Variants in GAREM1 observed in about 807,000 individuals in gnomAD.
The protein encoded by GAREM1 is GRB2-associated and regulator of MAPK protein 1.
Under a neutral mutation model 71.3 loss-of-function variants are expected in GAREM1, and 26 were observed. That is an observed-to-expected ratio of 0.36 (90% CI 0.27 to 0.51). GAREM1 has a LOEUF of 0.51. Ranked by LOEUF, GAREM1 falls within the 20% of genes least tolerant of loss-of-function variation. The pLI, the probability that GAREM1 is intolerant of heterozygous loss-of-function variation, is 0.95. For synonymous variants in GAREM1, 440 were observed against 433.2 expected (o/e 1.02, Z -0.20); for missense variants, 1,026 against 1,103.1 (o/e 0.93, Z 0.99).
At chr18:32,375,112 T>G (rs1348446024) in intron 2 of GAREM1, among the ~76,000 whole-genome samples, 1 of 152,172 alleles carries the variant, frequency 6.6e-6, no homozygotes, top group African/African-American at 2.4e-5. Flanking sequence ...TAAATTATAG[T>G]TTACGAAATT....
At position 32,427,449 on chromosome 18, in the gene GAREM1, C is replaced by T. The variant is rs573530091; in HGVS notation, c.122-34414G>A. ...AGAGAGAACCAGGAATGTCTGCCTC[C>T]CTGAGTTTGACATGGAAATTGAGAG... On this transcript the variant is annotated intron_variant, in intron 1 of 5. Coordinates refer to ENST00000269209, the MANE Select transcript of GAREM1 (RefSeq NM_001242409.2). Among the ~76,000 whole-genome samples the T allele has an allele frequency of 3.9e-5, 6 of 152,204 alleles. No homozygotes were observed. The East Asian group carries it at 9.7e-4, about 25-fold the overall frequency.
At chr18:32,294,417 A>C (rs1173119376) in intron 3 of GAREM1, among the ~76,000 whole-genome samples, 2 of 152,246 alleles carry the variant, frequency 1.3e-5, no homozygotes, top group African/African-American at 4.8e-5. Context: ...ACAATTCTTT[A>C]GAACTGAAAT....
Position 32,268,668 on chromosome 18 carries a change from A to G in GAREM1, c.1834T>C (p.Phe612Leu), listed in dbSNP as rs1162649457. ...KTDSVDLKSPFGSPSAEAVSS... is the reference protein window; with the variant it reads ...KTDSVDLKSPLGSPSAEAVSS... ...ACAGCTTCAGCAGAAGGACTTCCAA[A>G]CGGGGATTTCAGGTCCACAGAATCA... The change falls in exon 6 of 6, where the codon TTT becomes CTT. Residue 612 changes from phenylalanine (F) to leucine (L), a missense_variant. Physicochemically the swap from Phe to Leu is conservative, Grantham distance 22 (BLOSUM62 0). Coordinates refer to ENST00000269209, the MANE Select transcript of GAREM1 (RefSeq NM_001242409.2). The G allele has an allele frequency of 1.9e-6, 3 of 1,614,178 alleles. No homozygotes were observed. The highest frequency in any genetic ancestry group is 2.5e-6 in the Non-Finnish European group (3 of 1,180,026).
At chr18:32,438,845 T>C (rs1169011389) in intron 1 of GAREM1, among the ~76,000 whole-genome samples, 1 of 152,062 alleles carries the variant, frequency 6.6e-6, no homozygotes, top group Non-Finnish European at 1.5e-5. Context: ...AGGTGACAAA[T>C]TTGAAGGCAC....
intron 1 of GAREM1, among the ~76,000 whole-genome samples, chr18:32,421,828 C>T (rs956112975): frequency 6.6e-6 from 1 of 152,086 alleles, no homozygotes; most frequent in Admixed American, 6.6e-5. Context: ...CAAATCCACA[C>T]AAAACCTTCC....
At chr18:32,378,499 GA>G (rs201544063) in intron 2 of GAREM1, among the ~76,000 whole-genome samples, 992 of 97,986 alleles carry the variant, frequency 0.01, 12 homozygotes, top group East Asian at 0.028. Context: ...GACTGTCTCC[GA>G]AAAAAAAAAA....
At chr18:32,384,482 T>C (rs1052394027) in intron 2 of GAREM1, among the ~76,000 whole-genome samples, 5 of 152,214 alleles carry the variant, frequency 3.3e-5, no homozygotes, top group African/African-American at 1.2e-4. Context: ...ATTACAATAA[T>C]TCCCAAACAC....
chr18:32,270,661 A>C (rs563358225), intron 4 of GAREM1, among the ~76,000 whole-genome samples: 1 of 152,302 alleles, frequency 6.6e-6, no homozygotes, highest in East Asian at 1.9e-4. Flanking sequence ...AGTAATATGA[A>C]ATACGGCAAG....
At chr18:32,429,850 T>C (rs937410855) in intron 1 of GAREM1, among the ~76,000 whole-genome samples, 2 of 152,234 alleles carry the variant, frequency 1.3e-5, no homozygotes, top group Non-Finnish European at 2.9e-5. Context: ...GCTGTTAGCC[T>C]ACAGTATGCA....
At chr18:32,332,672 C>T (rs2047549248) in intron 2 of GAREM1, among the ~76,000 whole-genome samples, 1 of 152,156 alleles carries the variant, frequency 6.6e-6, no homozygotes, top group African/African-American at 2.4e-5. Flanking sequence ...TCACCAAGCC[C>T]ACCACACTGT....
chr18:32,353,897 G>C (rs1318207804), intron 2 of GAREM1, among the ~76,000 whole-genome samples: 1 of 152,156 alleles, frequency 6.6e-6, no homozygotes, highest in Non-Finnish European at 1.5e-5. Flanking sequence ...AATGCTCAAA[G>C]TCAAGAAAAC....
chr18:32,309,372 T>C (rs1365792454), intron 3 of GAREM1, among the ~76,000 whole-genome samples: 1 of 148,712 alleles, frequency 6.7e-6, no homozygotes, highest in Non-Finnish European at 1.5e-5. Flanking sequence ...TCCCAGCACT[T>C]TGGGAGGCCA....
intron 2 of GAREM1, among the ~76,000 whole-genome samples, chr18:32,363,416 T>TGG (rs2047886690): frequency 2.0e-5 from 3 of 152,346 alleles, no homozygotes; most frequent in African/African-American, 7.2e-5. Flanking sequence ...TATAGTTAAC[T>TGG]ATCCTGCTTA....
intron 1 of GAREM1, among the ~76,000 whole-genome samples, chr18:32,457,901 T>C (rs111533690): frequency 7.2e-5 from 11 of 152,292 alleles, no homozygotes; most frequent in African/African-American, 2.6e-4. Flanking sequence ...AGAATTAAAC[T>C]GGACTTTTAA....
intron 2 of GAREM1, 78 bp from the exon 3 acceptor site, chr18:32,310,401 C>T (rs2047307199): frequency 6.9e-7 from 1 of 1,453,070 alleles, no homozygotes; most frequent in Non-Finnish European, 9.4e-7. Flanking sequence ...CATCCTCTCT[C>T]TTTACCCCAG....
In GAREM1 at chr18:32,267,752, CT is replaced by C; in HGVS notation, c.*118del. The C allele has an allele frequency of 1.3e-6, 1 of 746,800 alleles. No individual in the cohort carries two copies. Among genetic ancestry groups the C allele is most frequent in the South Asian group, 1.9e-5 (1 of 52,426 alleles). The allele number at this position is 746,800 out of a possible 1,614,324, so 46.3% of individuals were successfully genotyped here. Reference sequence around the variant, plus strand: ...AACGTAATCTGCATAGTAAGAGTTTCTCTTATCCCTATTTACAGAGAAGGTT... The same window carrying C: ...AACGTAATCTGCATAGTAAGAGTTTCCTTATCCCTATTTACAGAGAAGGTT... On this transcript the variant is annotated 3_prime_UTR_variant, in exon 6 of 6. Transcript: ENST00000269209.
rs544801212 is a variant in GAREM1 at position 32,286,970 on chromosome 18, T to C, written c.1566+61A>G. On this transcript the variant is annotated intron_variant, in intron 4 of 5. Transcript: ENST00000269209. ...GGGGAGTTTTAAGAAAATAAATTAG[T>C]GGATGACTGAGCAGAGAGACAGAAA... 8.2e-6 allele frequency: 10 copies of C among 1,224,316 alleles called. No homozygotes were observed. The South Asian group carries it at 1.2e-4, about 15-fold the overall frequency. The allele number at this position is 1,224,316 out of a possible 1,614,324, so 75.8% of individuals were successfully genotyped here.
chr18:32,293,567 A>G (rs1354978003), intron 3 of GAREM1, among the ~76,000 whole-genome samples: 1 of 152,206 alleles, frequency 6.6e-6, no homozygotes, highest in Non-Finnish European at 1.5e-5. Flanking sequence ...ATTTATTACT[A>G]TTATACTTTA....
At chr18:32,351,770 C>T (rs535776878) in intron 2 of GAREM1, among the ~76,000 whole-genome samples, 3 of 151,346 alleles carry the variant, frequency 2.0e-5, no homozygotes, top group Non-Finnish European at 2.9e-5. Flanking sequence ...CCATCTTTTA[C>T]ACAGCATGAC....
Sources: gnomAD v4.1 joint callset for allele counts (sites outside exome capture counted in the v4.1 genomes callset) on GRCh38, gnomAD v4.1.1 for gene constraint, MANE v1.5 for transcripts, NCBI Gene and HGNC (gene_info 2026-07-23, HGNC 2026-07-21) for gene names.